The following GRTP1 variants were observed in gnomAD, a reference collection of about 807,000 sequenced individuals.
GRTP1 encodes the protein growth hormone regulated TBC protein 1, also known as growth hormone-regulated TBC protein 1.
GRTP1 carries 56 observed loss-of-function variants against 38.1 expected under a neutral mutation model. The observed-to-expected ratio is 1.47, with a 90% confidence interval of 1.19 to 1.84. The LOEUF is 1.84. Among genes scored for constraint, GRTP1 ranks in the 40% most tolerant of loss-of-function variants. GRTP1 has a pLI of 0.00. For synonymous variants in GRTP1, 217 were observed against 189.5 expected (o/e 1.14, Z -1.19); for missense variants, 506 against 453.9 (o/e 1.11, Z -1.04).
intron 2 of GRTP1, among the ~76,000 whole-genome samples, chr13:113,362,180 ATT>A (rs1332679655): frequency 6.9e-6 from 1 of 144,928 alleles, no homozygotes; most frequent in Non-Finnish European, 1.5e-5. Flanking sequence ...TAAAAAATAA[ATT>A]AGCCAGGTGT....
At chr13:113,334,280 A>ACTGGCCCCCGCC (rs1202504022) in intron 5 of GRTP1, among the ~76,000 whole-genome samples, 1 of 142,482 alleles carries the variant, frequency 7.0e-6, no homozygotes, top group Non-Finnish European at 1.5e-5. Context: ...CACTGCCACG[A>ACTGGCCCCCGCC]CAGCCTCCCG....
chr13:113,326,080 G>T lies in GRTP1; in HGVS notation c.574C>A (p.Pro192Thr). 2 of 1,609,296 alleles carry T rather than the reference G, an allele frequency of 1.2e-6. No homozygotes were observed. The highest frequency in any genetic ancestry group is 1.7e-6 in the Non-Finnish European group (2 of 1,179,958). The change falls in exon 6 of 8, where the codon CCG becomes ACG. Residue 192 changes from proline to threonine, a missense_variant. Physicochemically the swap from Pro to Thr is conservative, Grantham distance 38. Coordinates refer to ENST00000375431, the MANE Select transcript of GRTP1 (RefSeq NM_024719.4). ...TCGGTCTTCAGGCCCAGCATGGCCG[G>T]GCTGTAGTAATCTGCCAGGCAATGT... is the stretch of plus-strand genomic sequence containing the variant. ...VGRILPDYYS[P>T]AMLGLKTDQE...
intron 2 of GRTP1, among the ~76,000 whole-genome samples, chr13:113,361,210 TAAAAAAAAAA>T (rs60140159): frequency 8.0e-6 from 1 of 125,356 alleles, no homozygotes; most frequent in Admixed American, 8.2e-5. Flanking sequence ...AGACCAATGC[TAAAAAAAAAA>T]AAAAAAAAAA....
intron 5 of GRTP1, among the ~76,000 whole-genome samples, chr13:113,328,560 C>T (rs1056091785): frequency 1.3e-5 from 2 of 152,198 alleles, no homozygotes; most frequent in Admixed American, 1.3e-4. Flanking sequence ...CACTCTGTCG[C>T]CCAAGCTGGA....
chr13:113,363,727 C>A (rs2043544453), intron 2 of GRTP1, 35 bp downstream of exon 2: 1 of 1,586,528 alleles, frequency 6.3e-7, no homozygotes, highest in East Asian at 2.3e-5. Flanking sequence ...AACCCACCTG[C>A]GCCCTCGGGA....
intron 5 of GRTP1, among the ~76,000 whole-genome samples, chr13:113,333,167 G>A (rs1271576649): frequency 6.6e-6 from 1 of 152,212 alleles, no homozygotes; most frequent in East Asian, 1.9e-4. Flanking sequence ...CTGAGGCGCC[G>A]AGCTCGGAGG....
At position 113,364,000 on chromosome 13, in the gene GRTP1, C is replaced by T. The variant is rs1198209326; in HGVS notation, c.32+20G>A. The stretch of plus-strand genomic sequence containing the variant: ...CGGGGACCGCAGCCGCCGGGGACGC[C>T]CGCACCCCGCGCCACACACCTGGGG... On this transcript the variant is annotated intron_variant, in intron 1 of 7. Coordinates refer to ENST00000375431, the MANE Select transcript of GRTP1 (RefSeq NM_024719.4). 2.7e-6 allele frequency: 4 copies of T among 1,473,144 alleles called. No individual in the cohort carries two copies. The highest frequency in any genetic ancestry group is 2.5e-5 in the Admixed American group (1 of 40,520). 91.3% of individuals were successfully genotyped at this position (1,473,144 alleles called of 1,614,324 possible).
chr13:113,337,520 T>TA (rs951193454), intron 5 of GRTP1, among the ~76,000 whole-genome samples: 14 of 152,170 alleles, frequency 9.2e-5, no homozygotes, highest in Admixed American at 3.3e-4. Flanking sequence ...AGAGTTCTTT[T>TA]AAAAAAAAGT....
chr13:113,344,813 A>G, intron 5 of GRTP1, 50 bp downstream of exon 5: 1 of 1,521,018 alleles, frequency 6.6e-7, no homozygotes, highest in Non-Finnish European at 8.8e-7. Flanking sequence ...TCATTTTGGC[A>G]GCACCAGAAA....
intron 4 of GRTP1, among the ~76,000 whole-genome samples, chr13:113,345,515 G>A (rs930399553): frequency 4.6e-5 from 7 of 152,240 alleles, no homozygotes; most frequent in East Asian, 1.9e-4. Flanking sequence ...CTTCGCAGCC[G>A]TGAGTCAGCG....
At chr13:113,335,629 T>G (rs1462712536) in intron 5 of GRTP1, among the ~76,000 whole-genome samples, 1 of 152,040 alleles carries the variant, frequency 6.6e-6, no homozygotes, top group Non-Finnish European at 1.5e-5. Context: ...CCCCCTCCCT[T>G]CCTGGCCTCT....
intron 5 of GRTP1, among the ~76,000 whole-genome samples, chr13:113,334,771 G>A (rs2042931052): frequency 6.6e-6 from 1 of 152,216 alleles, no homozygotes; most frequent in African/African-American, 2.4e-5. Context: ...CAGCCCGGCA[G>A]TGGAGGACTG....
intron 3 of GRTP1, among the ~76,000 whole-genome samples, chr13:113,352,236 ATATATATT>A (rs1223943541): frequency 2.1e-5 from 2 of 95,870 alleles, no homozygotes; most frequent in South Asian, 3.4e-4. Context: ...CTATATTTAT[ATATATATT>A]TATATATATT....
At chr13:113,352,323 T>TA (rs1491551911) in intron 3 of GRTP1, among the ~76,000 whole-genome samples, 74 of 59,846 alleles carry the variant, frequency 1.2e-3, no homozygotes, top group African/African-American at 4.9e-3. Flanking sequence ...TTTATATATA[T>TA]TTTTATATAT....
At chr13:113,350,093 C>A (rs570198872) in intron 4 of GRTP1, among the ~76,000 whole-genome samples, 71 of 152,238 alleles carry the variant, frequency 4.7e-4, no homozygotes, top group African/African-American at 1.6e-3. Flanking sequence ...TGGAGGCCAG[C>A]CCTGCCCAGA....
At chr13:113,360,029 AAGTT>A (rs2043466842) in intron 2 of GRTP1, 1 of 152,194 alleles carries the variant, frequency 6.6e-6, no homozygotes, top group African/African-American at 2.4e-5. Context: ...TACCCTGACA[AAGTT>A]AGGCAAATCC....
At chr13:113,324,880 G>A (rs1359049709) in intron 7 of GRTP1, 7 of 902,302 alleles carry the variant, frequency 7.8e-6, no homozygotes, top group East Asian at 1.8e-4. Flanking sequence ...AGGCTGGAGT[G>A]CAGTGGCGCG....
At chr13:113,333,871 G>GTGTGTA (rs1467211161) in intron 5 of GRTP1, among the ~76,000 whole-genome samples, 24 of 143,754 alleles carry the variant, frequency 1.7e-4, no homozygotes, top group African/African-American at 5.9e-4. Flanking sequence ...GTGTGTGTGT[G>GTGTGTA]TGTCCGAGGC....
At chr13:113,355,171 A>C (rs1193734923) in intron 3 of GRTP1, 152 bp downstream of exon 3, 10 of 713,932 alleles carry the variant, frequency 1.4e-5, no homozygotes, top group Non-Finnish European at 2.1e-5. Flanking sequence ...CAAAGGCTTC[A>C]GTTTTGATTC....
Sources: allele counts gnomAD v4.1 joint callset (sites outside exome capture counted in the v4.1 genomes callset), GRCh38; gene constraint gnomAD v4.1.1; transcripts MANE v1.5; gene names NCBI Gene and HGNC (gene_info 2026-07-23, HGNC 2026-07-21).